Variants in ATXN2 observed in about 807,000 individuals in gnomAD.
ATXN2 encodes the protein ataxin-2.
Under a neutral mutation model 138.6 loss-of-function variants are expected in ATXN2, and 37 were observed. That is an observed-to-expected ratio of 0.27 (90% confidence interval 0.21 to 0.35). The LOEUF (loss-of-function observed/expected upper bound fraction) is 0.35. Ranked by LOEUF, ATXN2 falls within the 10% of genes least tolerant of loss-of-function variation. ATXN2 has a pLI of 1.00. For synonymous variants in ATXN2, 549 were observed against 543.7 expected, an observed-to-expected ratio of 1.01 and a Z score of -0.13; for missense variants, 1,216 against 1,480.3, an observed-to-expected ratio of 0.82 and a Z score of 2.93.
chr12:111,580,706 A>C, intron 1 of ATXN2, among the ~76,000 whole-genome samples: 1 of 120,718 alleles, frequency 8.3e-6, no homozygotes, highest in Non-Finnish European at 1.7e-5. Context: ...GGAGGGAGGG[A>C]GAGAGGAAGG....
At chr12:111,526,106 C>A (rs981485180) in intron 5 of ATXN2, among the ~76,000 whole-genome samples, 2 of 151,828 alleles carry the variant, frequency 1.3e-5, no homozygotes, top group Non-Finnish European at 2.9e-5. Context: ...GCCTGTAATA[C>A]CAGCACTTTG....
At chr12:111,588,250 A>G (rs1884445927) in intron 1 of ATXN2, among the ~76,000 whole-genome samples, 1 of 152,096 alleles carries the variant, frequency 6.6e-6, no homozygotes, top group Non-Finnish European at 1.5e-5. Context: ...AAGTCACTTG[A>G]CACAACTTCA....
At chr12:111,462,971 T>TACACACACAC (rs1403412784) in intron 21 of ATXN2, among the ~76,000 whole-genome samples, 25 of 136,558 alleles carry the variant, frequency 1.8e-4, no homozygotes, top group African/African-American at 6.7e-4. Flanking sequence ...TACATATATA[T>TACACACACAC]ATATATACAC....
chr12:111,469,892 A>T (rs1381308946), intron 20 of ATXN2: 1 of 511,454 alleles, frequency 2.0e-6, no homozygotes, highest in Non-Finnish European at 3.4e-6. Flanking sequence ...TTTTAGTTAA[A>T]GCAGGAAAGA....
At chr12:111,572,415 A>G (rs1247647334) in intron 1 of ATXN2, among the ~76,000 whole-genome samples, 9 of 150,410 alleles carry the variant, frequency 6.0e-5, no homozygotes, top group Non-Finnish European at 1.3e-4. Flanking sequence ...AAAAAAAAAC[A>G]AATTTACTAT....
In ATXN2 at chr12:111,452,700, C is replaced by CAT. The variant is rs769796175; in HGVS notation, c.*110_*111dup. On this transcript the variant is annotated 3_prime_UTR_variant, in exon 25 of 25. Coordinates refer to ENST00000673436, the MANE Select transcript of ATXN2 (RefSeq NM_001372574.1). ...CCTATTGGATGTTACAAGAAATCAACATATATATTTTAAAAACAAAATAAA... is the reference window on the plus strand; with the variant it reads ...CCTATTGGATGTTACAAGAAATCAACATATATATATTTTAAAAACAAAATAAA... The CAT allele has an allele frequency of 4.9e-6, 6 of 1,216,518 alleles. No individual in the cohort carries two copies. In the African/African-American group the frequency reaches 7.6e-5, roughly 15 times the overall value. The allele number at this position is 1,216,518 out of a possible 1,614,324, so 75.4% of individuals were successfully genotyped here.
chr12:111,583,573 C>T (rs1247661437), intron 1 of ATXN2, among the ~76,000 whole-genome samples: 1 of 151,722 alleles, frequency 6.6e-6, no homozygotes, highest in Non-Finnish European at 1.5e-5. Context: ...CAAGACCAGC[C>T]TGAACAACAT....
At chr12:111,563,812 C>G (rs1387601854) in intron 1 of ATXN2, among the ~76,000 whole-genome samples, 1 of 152,106 alleles carries the variant, frequency 6.6e-6, no homozygotes, top group Admixed American at 6.5e-5. Flanking sequence ...AATACTTAAT[C>G]CTACTCAGCC....
At chr12:111,462,977 T>TATACACAC (rs536560720) in intron 21 of ATXN2, among the ~76,000 whole-genome samples, 28 of 147,738 alleles carry the variant, frequency 1.9e-4, no homozygotes, top group East Asian at 1.4e-3. Flanking sequence ...TATATATATA[T>TATACACAC]ACACACACAC....
intron 21 of ATXN2, 133 bp downstream of exon 21, chr12:111,464,527 TTA>T: frequency 2.0e-6 from 1 of 508,842 alleles, no homozygotes. Flanking sequence ...ACTGAATTAT[TTA>T]TATATATAAG....
Position 111,516,382 on chromosome 12 carries a change from T to C in ATXN2, c.1166-19A>G. The C allele has an allele frequency of 6.5e-7, 1 of 1,533,834 alleles. No individual in the cohort carries two copies. Among genetic ancestry groups the C allele is most frequent in the Non-Finnish European group, 8.8e-7 (1 of 1,139,886 alleles). On this transcript the variant is annotated intron_variant, in intron 9 of 24. Coordinates refer to ENST00000673436, the MANE Select transcript of ATXN2 (RefSeq NM_001372574.1). The surrounding 1 kb of genome is among the most constrained non-coding windows in gnomAD (Gnocchi z 5.0). ...GGAACACCTGACAGAACAAATGATA[T>C]GAAGGAAAGTATAAAAACTAAAGAA...
intron 11 of ATXN2, chr12:111,511,296 A>G (rs1592848718): frequency 6.6e-6 from 1 of 151,906 alleles, no homozygotes; most frequent in East Asian, 1.9e-4. Flanking sequence ...ATTATTCAAC[A>G]ACTGCCATTT....
intron 5 of ATXN2, among the ~76,000 whole-genome samples, chr12:111,540,739 A>G (rs1881455632): frequency 6.9e-6 from 1 of 145,034 alleles, no homozygotes; most frequent in African/African-American, 2.5e-5. Context: ...CTGTCGCCCA[A>G]GCTGGAGTGA....
intron 5 of ATXN2, among the ~76,000 whole-genome samples, chr12:111,549,927 T>C (rs1408823394): frequency 1.3e-4 from 19 of 151,672 alleles, no homozygotes; most frequent in Admixed American, 1.2e-3. Context: ...CCGGGCATGG[T>C]GGCACATGCC....
intron 5 of ATXN2, among the ~76,000 whole-genome samples, chr12:111,540,074 G>C (rs1212230829): frequency 1.3e-5 from 2 of 150,112 alleles, no homozygotes; most frequent in Admixed American, 6.7e-5. Flanking sequence ...ATAAAAAACA[G>C]AACAACTGTT....
At chr12:111,456,437 C>G (rs1183740072) in intron 22 of ATXN2, among the ~76,000 whole-genome samples, 181 bp from the exon 23 acceptor site, 1 of 152,120 alleles carries the variant, frequency 6.6e-6, no homozygotes, top group African/African-American at 2.4e-5. Context: ...CAACTCCTTT[C>G]TAGGGTACAG....
chr12:111,475,231 C>A (rs1161216766), intron 18 of ATXN2, among the ~76,000 whole-genome samples: 20 of 149,902 alleles, frequency 1.3e-4, no homozygotes, highest in African/African-American at 4.9e-4. Flanking sequence ...AAAGGCTGGG[C>A]TACTTGGGAG....
intron 12 of ATXN2, 30 bp downstream of exon 12, chr12:111,510,355 T>C (rs1312152671): frequency 4.0e-5 from 64 of 1,596,810 alleles, no homozygotes; most frequent in Non-Finnish European, 5.5e-5. Flanking sequence ...ACAGCTGAGA[T>C]TATGGATCCA....
chr12:111,482,190 A>ATTT (rs1164424839), intron 18 of ATXN2, among the ~76,000 whole-genome samples: 27 of 101,374 alleles, frequency 2.7e-4, no homozygotes, highest in Non-Finnish European at 4.2e-4. Context: ...TTTCTCTACT[A>ATTT]TTTTTTTTTT....
Sources: gnomAD v4.1 joint callset for allele counts (sites outside exome capture counted in the v4.1 genomes callset) on GRCh38, gnomAD v4.1.1 for gene constraint, Gnocchi (gnomAD v3.1) non-coding constraint, MANE v1.5 for transcripts, NCBI Gene and HGNC (gene_info 2026-07-23, HGNC 2026-07-21) for gene names.